Variants in CSMD2 observed in about 807,000 individuals in gnomAD.
CSMD2 encodes the protein CUB and Sushi multiple domains 2, also known as CUB and sushi domain-containing protein 2.
Under a neutral mutation model 398.5 loss-of-function variants are expected in CSMD2, and 130 were observed. The observed-to-expected ratio is 0.33, with a 90% CI of 0.28 to 0.38. The LOEUF is 0.38. Ranked by LOEUF, CSMD2 falls within the 10% of genes least tolerant of loss-of-function variation. The probability of loss-of-function intolerance (pLI) is 1.00; values close to 1 mark genes in which losing one functional copy is unlikely to be tolerated. For synonymous variants in CSMD2, 1,828 were observed against 1,908.5 expected (o/e 0.96, Z 1.10); for missense variants, 3,829 against 4,764.9 (o/e 0.80, Z 5.78).
intron 3 of CSMD2, among the ~76,000 whole-genome samples, chr1:34,024,747 G>T (rs934831671): frequency 5.3e-5 from 8 of 152,176 alleles, no homozygotes; most frequent in Non-Finnish European, 8.8e-5. Context: ...CTGTTCTGCT[G>T]TTCTGGCCTG....
intron 22 of CSMD2, among the ~76,000 whole-genome samples, chr1:33,703,982 C>T (rs1645693582): frequency 6.6e-6 from 1 of 152,110 alleles, no homozygotes; most frequent in Non-Finnish European, 1.5e-5. Context: ...TGTGAATTGC[C>T]TGCCTTTTCA....
In CSMD2 at chr1:33,546,168, C is replaced by T. The variant is rs775463572; in HGVS notation, c.8969G>A (p.Arg2990His). 13 of 1,614,068 alleles carry T rather than the reference C, an allele frequency of 8.1e-6. No homozygotes were observed. Among genetic ancestry groups the T allele is most frequent in the South Asian group, 2.2e-5 (2 of 91,084 alleles). ...GCCTGGATCAAAGCTGTCCCCCAAA[C>T]GGATGCCATGAGCCGGGATCCCAGG... ...GDPGIPAHGIRLGDSFDPGTV... is the reference protein window; with the variant it reads ...GDPGIPAHGIHLGDSFDPGTV... Residue 2990 changes from arginine (R) to histidine (H), a missense_variant, in exon 57 of 71, where the codon CGT becomes CAT. Physicochemically the swap from Arg to His is conservative, Grantham distance 29. Transcript: ENST00000373381.
intron 6 of CSMD2, among the ~76,000 whole-genome samples, chr1:33,831,050 G>T: frequency 6.6e-6 from 1 of 152,218 alleles, no homozygotes; most frequent in Non-Finnish European, 1.5e-5. Flanking sequence ...GTACCTGAAA[G>T]TGACGGGGAG....
Position 33,989,830 on chromosome 1 carries a change from C to T in CSMD2, c.517+42764G>A, listed in dbSNP as rs191541737. ...TGACAGAAAGCAGATCAGTTACCTG[C>T]GGTCAGGGATGGGAGGAGAATGACT... On this transcript the variant is annotated intron_variant, in intron 3 of 70. Transcript: ENST00000373381. Among the ~76,000 whole-genome samples the T allele has an allele frequency of 2.8e-4, 42 of 152,158 alleles. 1 individual carries two copies. Among genetic ancestry groups the T allele is most frequent in the South Asian group, 2.3e-3 (11 of 4,812 alleles).
chr1:33,804,832 T>C (rs1656032854), intron 10 of CSMD2: 2 of 717,342 alleles, frequency 2.8e-6, no homozygotes, highest in African/African-American at 1.7e-5. Context: ...TTCCTCAGTC[T>C]TAGACTTTGA....
chr1:33,693,640 A>G (rs1645317489), intron 24 of CSMD2, among the ~76,000 whole-genome samples: 1 of 152,248 alleles, frequency 6.6e-6, no homozygotes. Flanking sequence ...CTTGAACATG[A>G]ATGTTCATAG....
chr1:33,581,529 C>CAAAAAAAAAAAAA (rs59068586), intron 47 of CSMD2, among the ~76,000 whole-genome samples: 151 of 36,730 alleles, frequency 4.1e-3, no homozygotes, highest in East Asian at 6.5e-3. Context: ...GACTCAGTCT[C>CAAAAAAAAAAAAA]AAAAAAAAAA....
chr1:34,134,533 T>C (rs1638513515), intron 1 of CSMD2, among the ~76,000 whole-genome samples: 1 of 152,182 alleles, frequency 6.6e-6, no homozygotes. Flanking sequence ...GGTCTTTCTC[T>C]AAGTATGACA....
chr1:33,555,963 T>G (rs983164765), intron 55 of CSMD2, among the ~76,000 whole-genome samples: 2 of 152,132 alleles, frequency 1.3e-5, no homozygotes, highest in Non-Finnish European at 2.9e-5. Context: ...TGGAGTAAGC[T>G]GATTCTAACC....
chr1:33,663,509 T>C (rs1053009978), intron 25 of CSMD2, among the ~76,000 whole-genome samples: 14 of 151,910 alleles, frequency 9.2e-5, no homozygotes, highest in African/African-American at 3.1e-4. Context: ...AAAAAAATAA[T>C]TGGGGCTAGA....
intron 5 of CSMD2, among the ~76,000 whole-genome samples, chr1:33,887,480 C>T (rs956943454): frequency 6.6e-6 from 1 of 152,178 alleles, no homozygotes; most frequent in Non-Finnish European, 1.5e-5. Context: ...GATGGTGTTA[C>T]AGAACCACTG....
intron 25 of CSMD2, among the ~76,000 whole-genome samples, chr1:33,670,674 A>T (rs644477): frequency 0.94 from 143,137 of 152,272 alleles, 67,380 homozygotes; most frequent in African/African-American, 0.98. Context: ...TCACACTTTT[A>T]AAATCCAGCC....
chr1:34,084,051 G>T (rs1029785630), intron 2 of CSMD2, among the ~76,000 whole-genome samples: 2 of 151,968 alleles, frequency 1.3e-5, no homozygotes, highest in Non-Finnish European at 2.9e-5. Context: ...AAATGAATTA[G>T]AATAAGCAGA....
At chr1:33,527,655 C>A (rs1348306226) in intron 64 of CSMD2, among the ~76,000 whole-genome samples, 1 of 152,122 alleles carries the variant, frequency 6.6e-6, no homozygotes, top group Non-Finnish European at 1.5e-5. Flanking sequence ...GGAATATATA[C>A]AAAAGTCTTT....
At position 33,636,377 on chromosome 1, in the gene CSMD2, G is replaced by A; in HGVS notation, c.4952C>T (p.Pro1651Leu). 1 of 1,610,836 alleles carries A rather than the reference G, an allele frequency of 6.2e-7. No homozygotes were observed. Among genetic ancestry groups the A allele is most frequent in the Non-Finnish European group, 8.5e-7 (1 of 1,178,600 alleles). Residue 1651 changes from proline to leucine, a missense_variant, in exon 30 of 71, where the codon CCC becomes CTC. Physicochemically the swap from Pro to Leu is moderately conservative, Grantham distance 98 (BLOSUM62 -3). Coordinates refer to ENST00000373381, the MANE Select transcript of CSMD2 (RefSeq NM_001281956.2). The surrounding 1 kb of genome is among the most constrained non-coding windows in gnomAD (Gnocchi z 4.8). ...TCCACCACCTGTGCAGACTGGCCGG[G>A]GATTGTTCCACACGGGCTTCCCATC... ...GPDGKPVWNN[P>L]RPVCTAPCGG...
chr1:33,707,340 C>T (rs1645821234), intron 22 of CSMD2, among the ~76,000 whole-genome samples: 2 of 152,192 alleles, frequency 1.3e-5, no homozygotes, highest in Non-Finnish European at 2.9e-5. Context: ...GCCCAGCTTG[C>T]GTTACTCCAT....
intron 47 of CSMD2, among the ~76,000 whole-genome samples, chr1:33,582,071 G>A (rs1173806911): frequency 6.6e-6 from 1 of 152,150 alleles, no homozygotes; most frequent in African/African-American, 2.4e-5. Flanking sequence ...CCTGGAGCGG[G>A]TGAGCACCAG....
At chr1:33,833,064 C>T (rs2125042124) in intron 6 of CSMD2, among the ~76,000 whole-genome samples, 1 of 142,856 alleles carries the variant, frequency 7.0e-6, no homozygotes, top group Admixed American at 7.0e-5. Context: ...CCGAATTCTA[C>T]CAGAGGTACA....
chr1:34,159,606 G>A (rs997134578), intron 1 of CSMD2, among the ~76,000 whole-genome samples: 2 of 152,218 alleles, frequency 1.3e-5, no homozygotes, highest in Non-Finnish European at 2.9e-5. Context: ...TACTTAGTGC[G>A]TGGATAAGTT....
Sources: allele counts gnomAD v4.1 joint callset (sites outside exome capture counted in the v4.1 genomes callset), GRCh38; gene constraint gnomAD v4.1.1; non-coding constraint Gnocchi (gnomAD v3.1); transcripts MANE v1.5; gene names NCBI Gene and HGNC (gene_info 2026-07-23, HGNC 2026-07-21).